Variants in PRAG1 observed in about 807,000 individuals in gnomAD.
PRAG1 encodes the protein inactive tyrosine-protein kinase PRAG1.
Under a neutral mutation model 95.6 loss-of-function variants are expected in PRAG1, and 110 were observed. The observed-to-expected ratio is 1.15, with a 90% CI of 0.99 to 1.35. The LOEUF (loss-of-function observed/expected upper bound fraction) is 1.35. Ranked by LOEUF, PRAG1 falls within the 40% of genes most tolerant of loss-of-function variation. PRAG1 has a pLI of 0.00. For synonymous variants in PRAG1, 1,052 were observed against 819.4 expected (o/e 1.28, Z -4.85); for missense variants, 2,554 against 1,864.7 (o/e 1.37, Z -6.81).
chr8:8,335,795 A>G (rs577007023), intron 4 of PRAG1, among the ~76,000 whole-genome samples: 1 of 150,986 alleles, frequency 6.6e-6, no homozygotes. Context: ...TATCTTTCTT[A>G]TTGTCTATCT....
At chr8:8,356,628 T>G (rs1032673735) in intron 3 of PRAG1, among the ~76,000 whole-genome samples, 6 of 152,116 alleles carry the variant, frequency 3.9e-5, no homozygotes, top group Non-Finnish European at 8.8e-5. Context: ...GATTTCAGGC[T>G]TGAACCACCA....
intron 3 of PRAG1, among the ~76,000 whole-genome samples, chr8:8,350,895 AATGGATGGATGGATGGATGGATGG>A (rs61665217): frequency 5.4e-5 from 8 of 149,446 alleles, no homozygotes; most frequent in African/African-American, 1.5e-4. Flanking sequence ...GTGCTCGTTA[AATGGATGGATGGATGGATGGATGG>A]ATGGATGGAT....
At position 8,318,575 on chromosome 8, in the gene PRAG1, T is replaced by C. The variant is rs780974539; in HGVS notation, c.3800A>G (p.Gln1267Arg). Residue 1267 changes from glutamine (Q) to arginine (R), a missense_variant, in exon 6 of 6, where the codon CAA becomes CGA. Physicochemically the swap from Gln to Arg is conservative, Grantham distance 43. Coordinates refer to ENST00000615670, the MANE Select transcript of PRAG1 (RefSeq NM_001080826.3). The surrounding 1 kb of genome is among the most constrained non-coding windows in gnomAD (Gnocchi z 4.2). ...GGCGCGCACCTCGAACGGGTTGGGT[T>C]GGTGCAGCAGCTCGTAGATGAGGAT... ...TGILIYELLH[Q>R]PNPFEVRAQL... The C allele has an allele frequency of 6.2e-7, 1 of 1,613,264 alleles. No individual in the cohort carries two copies. Among genetic ancestry groups the C allele is most frequent in the African/African-American group, 1.3e-5 (1 of 74,690 alleles).
chr8:8,365,801 T>TAC (rs1409939521), intron 3 of PRAG1, among the ~76,000 whole-genome samples: 1 of 150,454 alleles, frequency 6.6e-6, no homozygotes, highest in Non-Finnish European at 1.5e-5. Flanking sequence ...TATATATATA[T>TAC]ATATACACAC....
chr8:8,330,649 A>C (rs1023187654), intron 4 of PRAG1, among the ~76,000 whole-genome samples: 4 of 152,158 alleles, frequency 2.6e-5, no homozygotes, highest in African/African-American at 9.7e-5. Flanking sequence ...GTCAGAATGA[A>C]GGGCGCAGAA....
chr8:8,331,442 T>G (rs1302214834), intron 4 of PRAG1, among the ~76,000 whole-genome samples: 1 of 152,164 alleles, frequency 6.6e-6, no homozygotes, highest in South Asian at 2.1e-4. Flanking sequence ...TGAAGGCCCC[T>G]TGCAGCACTA....
chr8:8,343,480 A>G (rs1433892661), intron 3 of PRAG1, among the ~76,000 whole-genome samples: 1 of 152,024 alleles, frequency 6.6e-6, no homozygotes, highest in African/African-American at 2.4e-5. Context: ...TATTTTAACA[A>G]AACAGAACAG....
intron 2 of PRAG1, among the ~76,000 whole-genome samples, chr8:8,378,438 T>C (rs1014814870): frequency 2.0e-5 from 3 of 152,228 alleles, no homozygotes; most frequent in African/African-American, 7.2e-5. Context: ...ACACAAGTTG[T>C]TCCACTGGAT....
intron 2 of PRAG1, among the ~76,000 whole-genome samples, chr8:8,381,001 G>T (rs1800618358): frequency 6.6e-6 from 1 of 152,118 alleles, no homozygotes; most frequent in South Asian, 2.1e-4. Flanking sequence ...GTCAGTGTGA[G>T]GGAGGTGAAA....
At chr8:8,375,435 C>G (rs1175843250) in intron 3 of PRAG1, among the ~76,000 whole-genome samples, 1 of 152,072 alleles carries the variant, frequency 6.6e-6, no homozygotes, top group African/African-American at 2.4e-5. Context: ...ATCTCCTGAT[C>G]GTGATCCGCC....
At position 8,327,740 on chromosome 8, in the gene PRAG1, A is replaced by C; in HGVS notation, c.3042T>G (p.Ser1014=). 6.2e-7 allele frequency: 1 copy of C among 1,614,016 alleles called. No individual in the cohort carries two copies. The highest frequency in any genetic ancestry group is 1.3e-5 in the African/African-American group (1 of 75,046). The stretch of plus-strand genomic sequence containing the variant: ...CAGCATAGGTGCTGCCGGGGTCCTC[A>C]GAGCAGGTGGCACAGTAATAAATGG... ...GDAIYYCATC[S]EDPGSTYAVK... Residue 1014 remains serine, a synonymous_variant, in exon 5 of 6, where the codon TCT becomes TCG. Transcript: ENST00000615670.
At chr8:8,321,260 A>G (rs749059516) in intron 5 of PRAG1, among the ~76,000 whole-genome samples, 5 of 152,004 alleles carry the variant, frequency 3.3e-5, no homozygotes, top group Non-Finnish European at 7.4e-5. Context: ...AATTTTTGGA[A>G]TTTTTGTACA....
chr8:8,335,044 C>T (rs1431214089), intron 4 of PRAG1, among the ~76,000 whole-genome samples: 1 of 151,106 alleles, frequency 6.6e-6, no homozygotes, highest in Non-Finnish European at 1.5e-5. Flanking sequence ...CCAGCCTGGG[C>T]AACAGAGCAA....
At chr8:8,371,060 C>A (rs1309766878) in intron 3 of PRAG1, among the ~76,000 whole-genome samples, 1 of 147,824 alleles carries the variant, frequency 6.8e-6, no homozygotes, top group Non-Finnish European at 1.5e-5. Flanking sequence ...CGCTTGAACC[C>A]GGGAGGCGGA....
chr8:8,333,049 A>G (rs1850726), intron 4 of PRAG1, among the ~76,000 whole-genome samples: 33,858 of 152,166 alleles, frequency 0.22, 4,272 homozygotes, highest in African/African-American at 0.35. Flanking sequence ...GCCAACAGCC[A>G]ATATTCTCCA....
intron 4 of PRAG1, among the ~76,000 whole-genome samples, chr8:8,332,158 T>C (rs1798840190): frequency 8.6e-6 from 1 of 115,872 alleles, no homozygotes; most frequent in African/African-American, 3.9e-5. Flanking sequence ...TCTACACATA[T>C]TACGATTTTT....
intron 4 of PRAG1, among the ~76,000 whole-genome samples, chr8:8,328,776 GCACA>G (rs148004809): frequency 9.0e-4 from 134 of 149,494 alleles, no homozygotes; most frequent in Middle Eastern, 3.4e-3. Context: ...GCACGCGTGC[GCACA>G]CACACACACA....
chr8:8,379,360 C>T (rs961060013), intron 2 of PRAG1, among the ~76,000 whole-genome samples: 3 of 152,194 alleles, frequency 2.0e-5, no homozygotes, highest in Non-Finnish European at 4.4e-5. Flanking sequence ...TAAAGTCCTC[C>T]TTTACCCCCA....
At chr8:8,380,108 A>C (rs757860311) in intron 2 of PRAG1, among the ~76,000 whole-genome samples, 10 of 151,776 alleles carry the variant, frequency 6.6e-5, no homozygotes, top group Non-Finnish European at 1.3e-4. Context: ...ACAAAAACAA[A>C]AACAAAAAAA....
Sources: gnomAD v4.1 joint callset for allele counts (sites outside exome capture counted in the v4.1 genomes callset) on GRCh38, gnomAD v4.1.1 for gene constraint, Gnocchi (gnomAD v3.1) non-coding constraint, MANE v1.5 for transcripts, NCBI Gene and HGNC (gene_info 2026-07-23, HGNC 2026-07-21) for gene names.